Variants in SS18 observed in about 807,000 individuals in gnomAD.
SS18 encodes the protein SS18 subunit of BAF chromatin remodeling complex.
SS18 carries 28 observed loss-of-function variants against 72.5 expected under a neutral mutation model. The ratio of observed to expected loss-of-function variants is 0.39; its 90% confidence interval spans 0.29 to 0.53. The LOEUF is 0.53. SS18 is among the 20% of genes least tolerant of loss of function. The probability of loss-of-function intolerance (pLI) is 0.76; values close to 1 mark genes in which losing one functional copy is unlikely to be tolerated. For missense variants in SS18, 518 were observed against 535.3 expected, an observed-to-expected ratio of 0.97 and a Z score of 0.32; for synonymous variants, 172 against 164.2, an observed-to-expected ratio of 1.05 and a Z score of -0.37.
intron 3 of SS18, among the ~76,000 whole-genome samples, chr18:26,071,362 G>A (rs1348678495): frequency 2.6e-5 from 4 of 152,086 alleles, no homozygotes; most frequent in Non-Finnish European, 5.9e-5. Flanking sequence ...AAAAATCCTA[G>A]ACAAAGCAAA....
At position 26,039,429 on chromosome 18, in the gene SS18, G is replaced by A. The variant is rs522706; in HGVS notation, c.635C>T (p.Ser212Phe). The A allele has an allele frequency of 6.2e-7, 1 of 1,613,594 alleles. No homozygotes were observed. The highest frequency in any genetic ancestry group is 2.2e-5 in the East Asian group (1 of 44,874). ...QGPMMHQQPP[S>F]QQYNMPQGGG... The stretch of plus-strand genomic sequence containing the variant: ...TCCCTGTGGCATATTGTATTGCTGA[G>A]AAGGAGGCTGCTGATGCATCATTGG... Residue 212 changes from serine (S) to phenylalanine (F), a missense_variant, in exon 6 of 11, where the codon TCT becomes TTT. Ser to Phe is a radical substitution (Grantham distance 155). Coordinates refer to ENST00000415083, the MANE Select transcript of SS18 (RefSeq NM_001007559.3).
At chr18:26,076,666 G>A (rs776357244) in intron 3 of SS18, among the ~76,000 whole-genome samples, 7 of 151,848 alleles carry the variant, frequency 4.6e-5, no homozygotes, top group Non-Finnish European at 8.8e-5. Flanking sequence ...ATTGTTATAT[G>A]TTTTATATAA....
At chr18:26,043,881 G>GA (rs1033150452) in intron 5 of SS18, among the ~76,000 whole-genome samples, 77 of 152,092 alleles carry the variant, frequency 5.1e-4, no homozygotes, top group African/African-American at 1.7e-3. Flanking sequence ...TAGAACTTTA[G>GA]AAAAAATCTC....
intron 5 of SS18, among the ~76,000 whole-genome samples, chr18:26,048,815 T>C (rs866099088): frequency 1.2e-4 from 18 of 152,304 alleles, no homozygotes; most frequent in Middle Eastern, 3.4e-3. Context: ...AGAAATAAAT[T>C]AGATGCTGTG....
At chr18:26,038,682 G>A (rs947978441) in intron 6 of SS18, 23 bp from the exon 7 acceptor site, 9 of 1,578,668 alleles carry the variant, frequency 5.7e-6, no homozygotes, top group Admixed American at 3.3e-5. Flanking sequence ...AACCAGTCAA[G>A]ATATAAATAA....
chr18:26,081,681 C>T (rs1218868836), intron 2 of SS18, among the ~76,000 whole-genome samples: 1 of 150,988 alleles, frequency 6.6e-6, no homozygotes, highest in Non-Finnish European at 1.5e-5. Flanking sequence ...ATATTTTCCT[C>T]AGAAACTTTG....
chr18:26,075,830 T>C (rs2054401757), intron 3 of SS18, among the ~76,000 whole-genome samples: 1 of 151,826 alleles, frequency 6.6e-6, no homozygotes, highest in Non-Finnish European at 1.5e-5. Flanking sequence ...TACAGAAAAC[T>C]GAAAGCATCT....
chr18:26,062,454 A>G (rs757301719), intron 3 of SS18, among the ~76,000 whole-genome samples: 1 of 152,214 alleles, frequency 6.6e-6, no homozygotes, highest in African/African-American at 2.4e-5. Context: ...CTGTAAAATT[A>G]TATGTAAAAT....
At chr18:26,061,841 G>T (rs187320329) in intron 3 of SS18, among the ~76,000 whole-genome samples, 325 of 152,210 alleles carry the variant, frequency 2.1e-3, no homozygotes, top group African/African-American at 7.7e-3. Context: ...AGAACTAGAG[G>T]AGTTAGTTAA....
intron 3 of SS18, among the ~76,000 whole-genome samples, chr18:26,064,539 TAAAGA>T (rs895804466): frequency 6.5e-5 from 9 of 139,472 alleles, no homozygotes; most frequent in Middle Eastern, 3.5e-3. Context: ...TCTCAACAGA[TAAAGA>T]AAAGAATTTA....
intron 2 of SS18, among the ~76,000 whole-genome samples, chr18:26,083,761 CTAAT>C (rs2054570447): frequency 1.3e-5 from 2 of 152,078 alleles, no homozygotes; most frequent in Non-Finnish European, 2.9e-5. Flanking sequence ...TGATTGTATT[CTAAT>C]AAGTGCCTCT....
At chr18:26,074,370 A>C (rs1310136386) in intron 3 of SS18, among the ~76,000 whole-genome samples, 1 of 151,904 alleles carries the variant, frequency 6.6e-6, no homozygotes, top group East Asian at 1.9e-4. Flanking sequence ...TATCCCCAAA[A>C]ATCTGAAAAG....
At chr18:26,039,061 G>A (rs113619642) in intron 6 of SS18, among the ~76,000 whole-genome samples, 2,170 of 149,892 alleles carry the variant, frequency 0.014, 57 homozygotes, top group African/African-American at 0.051. Flanking sequence ...GAATTAGTGA[G>A]CTTTCGATAT....
At chr18:26,069,684 A>G (rs1175675882) in intron 3 of SS18, among the ~76,000 whole-genome samples, 1 of 152,146 alleles carries the variant, frequency 6.6e-6, no homozygotes, top group Non-Finnish European at 1.5e-5. Flanking sequence ...AAAATGTTTG[A>G]TTATACAGAA....
intron 10 of SS18, among the ~76,000 whole-genome samples, chr18:26,020,184 T>A (rs979687996): frequency 2.0e-5 from 3 of 152,182 alleles, no homozygotes; most frequent in Admixed American, 1.3e-4. Flanking sequence ...ATTGCTAACT[T>A]CTTATTTGAG....
chr18:26,018,736 T>C (rs2053292317), intron 10 of SS18, among the ~76,000 whole-genome samples: 2 of 152,294 alleles, frequency 1.3e-5, no homozygotes, highest in South Asian at 2.1e-4. Context: ...TATATTAGGG[T>C]GTAAATCATA....
Position 26,078,067 on chromosome 18 carries a change from G to T in SS18, c.231+9C>A. 6.3e-7 allele frequency: 1 copy of T among 1,591,102 alleles called. No individual in the cohort carries two copies. Among genetic ancestry groups the T allele is most frequent in the South Asian group, 1.1e-5 (1 of 89,586 alleles). ...ATTGTCTACTTCACATGATTTTAAA[G>T]ATACTTACTGCTGGTAAAAGAGACT... On this transcript the variant is annotated intron_variant, in intron 3 of 10. Transcript: ENST00000415083.
At chr18:26,063,537 T>G (rs866593533) in intron 3 of SS18, among the ~76,000 whole-genome samples, 11 of 151,832 alleles carry the variant, frequency 7.2e-5, no homozygotes, top group African/African-American at 2.2e-4. Flanking sequence ...AAAATAATAA[T>G]AATAAGAAAT....
At chr18:26,057,892 T>C in intron 3 of SS18, 150 bp from the exon 4 acceptor site, 1 of 699,058 alleles carries the variant, frequency 1.4e-6, no homozygotes, top group Middle Eastern at 4.1e-4. Flanking sequence ...ATCATGAACA[T>C]AGTTAATAAC....
Sources: allele counts gnomAD v4.1 joint callset (sites outside exome capture counted in the v4.1 genomes callset), GRCh38; gene constraint gnomAD v4.1.1; transcripts MANE v1.5; gene names NCBI Gene and HGNC (gene_info 2026-07-23, HGNC 2026-07-21).